ACSM1: variants seen among roughly 807,000 people sequenced by gnomAD.
The protein encoded by ACSM1 is acyl-coenzyme A synthetase ACSM1, mitochondrial.
Under a neutral mutation model 75.8 loss-of-function variants are expected in ACSM1, and 79 were observed. The observed-to-expected ratio is 1.04, with a 90% confidence interval of 0.87 to 1.26. The LOEUF is 1.26. ACSM1 is among the 50% of genes most tolerant of loss of function. The pLI, the probability that ACSM1 is intolerant of heterozygous loss-of-function variation, is 0.00. For synonymous variants in ACSM1, 279 were observed against 265.8 expected (o/e 1.05, Z -0.48); for missense variants, 676 against 720.1 (o/e 0.94, Z 0.70).
chr16:20,627,129 G>T (rs1433639736), intron 11 of ACSM1, 60 bp downstream of exon 11: 2 of 1,470,904 alleles, frequency 1.4e-6, no homozygotes, highest in Non-Finnish European at 9.0e-7. Context: ...GTCTAGGTAA[G>T]CAAAATTCCG....
In ACSM1 at chr16:20,640,595, G is replaced by A. The variant is rs1166566897; in HGVS notation, c.993-11C>T. 1.1e-5 allele frequency: 17 copies of A among 1,613,982 alleles called. No individual in the cohort carries two copies. The highest frequency in any genetic ancestry group is 1.4e-5 in the Non-Finnish European group (17 of 1,179,962). ...GCAGGGAACCTGATGCTTAGAGGAAGACAAGGTGCCAGGCATTGGTGAGCC... is the reference window on the plus strand; with the variant it reads ...GCAGGGAACCTGATGCTTAGAGGAAAACAAGGTGCCAGGCATTGGTGAGCC... On this transcript the variant is annotated splice_polypyrimidine_tract_variant and intron_variant, in intron 7 of 13. Coordinates refer to ENST00000520010, the MANE Select transcript of ACSM1 (RefSeq NM_001318890.3).
chr16:20,677,712 G>C (rs1009221446), intron 4 of ACSM1, among the ~76,000 whole-genome samples: 4 of 152,170 alleles, frequency 2.6e-5, no homozygotes, highest in African/African-American at 9.7e-5. Context: ...CTCAGTAGTA[G>C]AGGTGCAGTC....
At position 20,637,437 on chromosome 16, in the gene ACSM1, G is replaced by A; in HGVS notation, c.1131C>T (p.Ala377=). Residue 377 remains alanine, a synonymous_variant, in exon 9 of 14, where the codon GCC becomes GCT. Coordinates refer to ENST00000520010, the MANE Select transcript of ACSM1 (RefSeq NM_001318890.3). ...YGQSETGLIC[A]TYWGMKIKPG... is the part of the protein sequence containing the mutation. The stretch of plus-strand genomic sequence containing the variant: ...GCTTGATCTTCATTCCCCAGTAGGT[G>A]GCACAAATTAGTCCCTGTTCACAAA... 1.2e-6 allele frequency: 2 copies of A among 1,613,898 alleles called. No individual in the cohort carries two copies. The highest frequency in any genetic ancestry group is 2.7e-5 in the African/African-American group (2 of 75,006).
In ACSM1 at chr16:20,637,315, T is replaced by G. The variant is rs1038293080; in HGVS notation, c.1197+56A>C. The G allele has an allele frequency of 2.1e-6, 3 of 1,448,126 alleles. No individual in the cohort carries two copies. The African/African-American group carries it at 4.2e-5, about 20-fold the overall frequency. 89.7% of individuals were successfully genotyped at this position (1,448,126 alleles called of 1,614,324 possible). ...GCTGGTGTTGTCACCTGGTGTCAAA[T>G]TGTCCAACCCCCGCTGAGCCCTAAC... On this transcript the variant is annotated intron_variant, in intron 9 of 13. Transcript: ENST00000520010.
chr16:20,638,683 C>T (rs2017878224), intron 8 of ACSM1, among the ~76,000 whole-genome samples: 1 of 152,160 alleles, frequency 6.6e-6, no homozygotes, highest in Non-Finnish European at 1.5e-5. Flanking sequence ...TACATAATAT[C>T]CTTATGGTCT....
At chr16:20,672,471 A>AAAAAAATAT (rs1555473775) in intron 4 of ACSM1, among the ~76,000 whole-genome samples, 8 of 64,570 alleles carry the variant, frequency 1.2e-4, no homozygotes, top group South Asian at 5.7e-4. Context: ...AAAAAAAAAA[A>AAAAAAATAT]ATATATATAT....
chr16:20,630,380 C>T (rs911042892), intron 10 of ACSM1, among the ~76,000 whole-genome samples: 2 of 152,036 alleles, frequency 1.3e-5, no homozygotes, highest in South Asian at 4.1e-4. Flanking sequence ...AGCCACGATG[C>T]CCGGTCAAAA....
rs188063884 is a variant in ACSM1 at position 20,692,923 on chromosome 16, C to A, written c.-51-1684G>T. On this transcript the variant is annotated intron_variant, in intron 1 of 13. Coordinates refer to ENST00000520010, the MANE Select transcript of ACSM1 (RefSeq NM_001318890.3). ...CAGTGGCTCATGCCTATAATCCCAG[C>A]CCTTTGGGAGGCTGAGGCAGGTGGA... 4.6e-5 allele frequency among the ~76,000 whole-genome samples: 7 copies of A among 152,178 alleles called. No individual in the cohort carries two copies. The East Asian group carries it at 1.2e-3, about 25-fold the overall frequency.
chr16:20,656,534 A>G (rs1183275549), intron 7 of ACSM1, among the ~76,000 whole-genome samples: 1 of 152,230 alleles, frequency 6.6e-6, no homozygotes, highest in African/African-American at 2.4e-5. Context: ...AACATTTTAT[A>G]AACACAAAGA....
chr16:20,629,167 C>T (rs2017186350), intron 10 of ACSM1, among the ~76,000 whole-genome samples: 1 of 151,870 alleles, frequency 6.6e-6, no homozygotes, highest in Non-Finnish European at 1.5e-5. Context: ...TTTTTTAAGC[C>T]TATAGTTATG....
intron 5 of ACSM1, among the ~76,000 whole-genome samples, chr16:20,670,231 G>A (rs79307130): frequency 0.014 from 2,167 of 152,248 alleles, 54 homozygotes; most frequent in African/African-American, 0.05. Context: ...AGTGTTCTCT[G>A]TAACCAGACA....
chr16:20,670,945 G>A (rs143442909), intron 5 of ACSM1, among the ~76,000 whole-genome samples: 105 of 152,300 alleles, frequency 6.9e-4, no homozygotes, highest in Non-Finnish European at 1.3e-3. Context: ...AATATTACTA[G>A]TTGGAGATGA....
At chr16:20,695,105 T>C (rs2079682443) in intron 1 of ACSM1, among the ~76,000 whole-genome samples, 1 of 151,916 alleles carries the variant, frequency 6.6e-6, no homozygotes, top group Admixed American at 6.6e-5. Flanking sequence ...ACAAATGTGT[T>C]TGTGATTCTA....
chr16:20,685,033 A>G (rs1021389978), intron 3 of ACSM1, among the ~76,000 whole-genome samples, 160 bp downstream of exon 3: 4 of 152,268 alleles, frequency 2.6e-5, no homozygotes, highest in African/African-American at 9.6e-5. Flanking sequence ...GATAATTCCC[A>G]CAGGGCAGGA....
chr16:20,646,283 C>A (rs2018355222), intron 7 of ACSM1, among the ~76,000 whole-genome samples: 1 of 152,190 alleles, frequency 6.6e-6, no homozygotes, highest in South Asian at 2.1e-4. Flanking sequence ...AAATAAGCCA[C>A]CCCCTTGTCC....
At chr16:20,689,228 T>G (rs1313633861) in intron 2 of ACSM1, among the ~76,000 whole-genome samples, 1 of 151,922 alleles carries the variant, frequency 6.6e-6, no homozygotes, top group Non-Finnish European at 1.5e-5. Context: ...TTGTTATCAG[T>G]ATTAAATAGA....
At chr16:20,629,452 G>A (rs191984799) in intron 10 of ACSM1, among the ~76,000 whole-genome samples, 1 of 152,068 alleles carries the variant, frequency 6.6e-6, no homozygotes, top group Admixed American at 6.5e-5. Flanking sequence ...AAAATCAGAA[G>A]GGAAAAAATG....
intron 7 of ACSM1, among the ~76,000 whole-genome samples, chr16:20,645,517 G>C (rs1336575935): frequency 6.6e-6 from 1 of 152,166 alleles, no homozygotes; most frequent in Non-Finnish European, 1.5e-5. Flanking sequence ...CTACATTGAT[G>C]TTTTACGAGG....
intron 4 of ACSM1, among the ~76,000 whole-genome samples, chr16:20,675,882 G>A (rs572736060): frequency 6.6e-6 from 1 of 152,320 alleles, no homozygotes; most frequent in African/African-American, 2.4e-5. Context: ...GGAGTTAAAG[G>A]TAAAGTCACA....
Sources: gnomAD v4.1 joint callset for allele counts (sites outside exome capture counted in the v4.1 genomes callset) on GRCh38, gnomAD v4.1.1 for gene constraint, MANE v1.5 for transcripts, NCBI Gene and HGNC (gene_info 2026-07-23, HGNC 2026-07-21) for gene names.